The following TEAD4 variants were observed in gnomAD, a reference collection of about 807,000 sequenced individuals.
TEAD4 encodes transcriptional enhancer factor TEF-3.
TEAD4 carries 36 observed loss-of-function variants against 52.4 expected under a neutral mutation model. The ratio of observed to expected loss-of-function variants is 0.69; its 90% CI spans 0.53 to 0.91. The LOEUF is 0.91. Ranked by LOEUF, TEAD4 falls within the 40% of genes least tolerant of loss-of-function variation. The pLI, the probability that TEAD4 is intolerant of heterozygous loss-of-function variation, is 0.00. For missense variants in TEAD4, 508 were observed against 583.9 expected (o/e 0.87, Z 1.34); for synonymous variants, 220 against 231.0 (o/e 0.95, Z 0.43).
intron 2 of TEAD4, among the ~76,000 whole-genome samples, chr12:2,984,702 C>T (rs2098236697): frequency 6.6e-6 from 1 of 152,192 alleles, no homozygotes; most frequent in Non-Finnish European, 1.5e-5. Flanking sequence ...TGACTATACT[C>T]AGTTCTATAG....
chr12:3,020,111 G>T (rs1258946774), intron 8 of TEAD4, among the ~76,000 whole-genome samples: 1 of 152,162 alleles, frequency 6.6e-6, no homozygotes, highest in Admixed American at 6.5e-5. Flanking sequence ...CTAAACTACA[G>T]TAGGACTGGA....
chr12:2,986,678 T>G (rs1565530247), intron 2 of TEAD4, among the ~76,000 whole-genome samples: 1 of 151,482 alleles, frequency 6.6e-6, no homozygotes. Flanking sequence ...ATAGATATAA[T>G]AAAAAGAGAC....
intron 10 of TEAD4, among the ~76,000 whole-genome samples, chr12:3,033,383 C>T (rs952606372): frequency 3.9e-5 from 6 of 152,206 alleles, no homozygotes; most frequent in African/African-American, 1.4e-4. Context: ...TGCGATGAAG[C>T]TCCCTTCCTC....
At chr12:3,019,352 C>T (rs901442066) in intron 8 of TEAD4, among the ~76,000 whole-genome samples, 182 bp downstream of exon 8, 1 of 152,224 alleles carries the variant, frequency 6.6e-6, no homozygotes, top group African/African-American at 2.4e-5. Context: ...CACACCTCAG[C>T]CGTGTGCCAA....
chr12:3,013,733 CAAAA>C (rs900220370), intron 5 of TEAD4, among the ~76,000 whole-genome samples: 3 of 151,764 alleles, frequency 2.0e-5, no homozygotes, highest in Non-Finnish European at 4.4e-5. Context: ...GACTCCATCT[CAAAA>C]AAAGCCACTG....
chr12:3,027,764 G>A (rs2098272926), intron 10 of TEAD4, among the ~76,000 whole-genome samples: 1 of 152,204 alleles, frequency 6.6e-6, no homozygotes, highest in South Asian at 2.1e-4. Flanking sequence ...CTACTCAGGT[G>A]GCTGAGATGG....
chr12:2,960,994 G>T (rs1242288289), intron 2 of TEAD4, among the ~76,000 whole-genome samples: 1 of 152,112 alleles, frequency 6.6e-6, no homozygotes, highest in African/African-American at 2.4e-5. Context: ...ACTTTCTCAG[G>T]GCGAGGGTCT....
At chr12:3,009,362 G>A (rs374840006) in intron 3 of TEAD4, among the ~76,000 whole-genome samples, 1 of 152,234 alleles carries the variant, frequency 6.6e-6, no homozygotes, top group Non-Finnish European at 1.5e-5. Flanking sequence ...CCCGGGAGGC[G>A]GAGGTTGCAG....
chr12:3,005,791 A>G (rs534549410), intron 3 of TEAD4, among the ~76,000 whole-genome samples: 62 of 152,028 alleles, frequency 4.1e-4, no homozygotes, highest in Non-Finnish European at 7.8e-4. Flanking sequence ...GAGCCACCGC[A>G]CCCAGACTTA....
At chr12:3,014,955 G>A (rs778024175) in intron 5 of TEAD4, among the ~76,000 whole-genome samples, 8 of 152,204 alleles carry the variant, frequency 5.3e-5, no homozygotes, top group Non-Finnish European at 8.8e-5. Context: ...GCCCTCCTGC[G>A]GGGAGAGGTC....
intron 3 of TEAD4, among the ~76,000 whole-genome samples, chr12:3,010,431 A>G (rs778133262): frequency 2.6e-5 from 4 of 152,214 alleles, no homozygotes; most frequent in African/African-American, 7.2e-5. Context: ...GCACATGTGC[A>G]CTGACTGGCT....
intron 2 of TEAD4, among the ~76,000 whole-genome samples, chr12:2,978,341 A>G (rs1250337504): frequency 1.3e-5 from 2 of 150,638 alleles, no homozygotes; most frequent in East Asian, 3.9e-4. Context: ...ATCTTCCGAA[A>G]CTGAAACGCT....
At chr12:3,033,633 C>T (rs573671828) in intron 10 of TEAD4, among the ~76,000 whole-genome samples, 106 of 152,350 alleles carry the variant, frequency 7.0e-4, no homozygotes, top group African/African-American at 2.4e-3. Context: ...CCCCTCCAGG[C>T]CCCCACACCC....
chr12:2,967,910 G>C (rs2098221721), intron 2 of TEAD4, among the ~76,000 whole-genome samples: 2 of 152,074 alleles, frequency 1.3e-5, no homozygotes, highest in Non-Finnish European at 2.9e-5. Flanking sequence ...GCTGTGGTAA[G>C]GTCTGTGTCA....
At chr12:2,976,787 C>G (rs986397481) in intron 2 of TEAD4, among the ~76,000 whole-genome samples, 1 of 152,048 alleles carries the variant, frequency 6.6e-6, no homozygotes, top group Non-Finnish European at 1.5e-5. Flanking sequence ...CCCATTGCCG[C>G]CCGGGCCTGG....
chr12:2,986,497 G>A (rs988994432), intron 2 of TEAD4, among the ~76,000 whole-genome samples: 12 of 151,772 alleles, frequency 7.9e-5, no homozygotes, highest in Non-Finnish European at 7.4e-5. Flanking sequence ...AAAATTAGCC[G>A]GGCGTGGTGG....
At chr12:2,962,333 A>AAATATATATATAAATATAT (rs1565518245) in intron 2 of TEAD4, among the ~76,000 whole-genome samples, 12,924 of 37,596 alleles carry the variant, frequency 0.34, 972 homozygotes, top group East Asian at 0.53. Flanking sequence ...TATAAATATA[A>AAATATATATATAAATATAT]ATATATATAT....
In TEAD4 at chr12:2,995,070, G is replaced by A. The variant is rs1032441962; in HGVS notation, c.226+78G>A. On this transcript the variant is annotated intron_variant, in intron 3 of 12. Coordinates refer to ENST00000359864, the MANE Select transcript of TEAD4 (RefSeq NM_003213.4). The stretch of plus-strand genomic sequence containing the variant: ...ACACCAGAACCTTGGGGTTCCTGCC[G>A]GGCCACAGAAGGGGATGACCACTTG... 1.6e-5 allele frequency: 24 copies of A among 1,531,928 alleles called. No individual in the cohort carries two copies. The South Asian group carries it at 2.1e-4, about 14-fold the overall frequency. 94.9% of individuals were successfully genotyped at this position (1,531,928 alleles called of 1,614,324 possible).
chr12:3,035,065 C>T (rs780424971), intron 10 of TEAD4, among the ~76,000 whole-genome samples: 1 of 152,088 alleles, frequency 6.6e-6, no homozygotes, highest in Non-Finnish European at 1.5e-5. Flanking sequence ...TGCACCACCA[C>T]ACTCCAGCCC....
Sources: gnomAD v4.1 joint callset for allele counts (sites outside exome capture counted in the v4.1 genomes callset) on GRCh38, gnomAD v4.1.1 for gene constraint, MANE v1.5 for transcripts, NCBI Gene and HGNC (gene_info 2026-07-23, HGNC 2026-07-21) for gene names.